SPATA9: variants seen among roughly 807,000 people sequenced by gnomAD.
SPATA9 encodes spermatogenesis-associated protein 9.
Under a neutral mutation model 25.5 loss-of-function variants are expected in SPATA9, and 27 were observed. The observed-to-expected ratio is 1.06, with a 90% confidence interval of 0.78 to 1.46. The LOEUF (loss-of-function observed/expected upper bound fraction) is 1.46. Among genes scored for constraint, SPATA9 ranks in the 40% most tolerant of loss-of-function variants. The pLI, the probability that SPATA9 is intolerant of heterozygous loss-of-function variation, is 0.00. For missense variants in SPATA9, 282 were observed against 297.5 expected (o/e 0.95, Z 0.38); for synonymous variants, 102 against 105.7 (o/e 0.97, Z 0.21).
At chr5:95,682,500 C>T (rs1338930627) in intron 2 of SPATA9, 28 bp downstream of exon 2, 9 of 1,431,778 alleles carry the variant, frequency 6.3e-6, no homozygotes, top group Admixed American at 1.9e-5. Flanking sequence ...TTTTTCTATT[C>T]CTTTTAAAGG....
At chr5:95,715,219 G>C in the SPATA9 span, among the ~76,000 whole-genome samples, 3 of 151,854 alleles carry the variant, frequency 2.0e-5, no homozygotes, top group African/African-American at 7.3e-5. Flanking sequence ...AGCTATTCGG[G>C]AGGCTGAGGC....
At chr5:95,714,518 A>C in the SPATA9 span, among the ~76,000 whole-genome samples, 1 of 152,216 alleles carries the variant, frequency 6.6e-6, no homozygotes, top group Non-Finnish European at 1.5e-5. Flanking sequence ...TGAGAAAGCT[A>C]AGGAGTGTCC....
chr5:95,696,500 G>A (rs962180764), intron 1 of SPATA9, among the ~76,000 whole-genome samples: 32 of 152,190 alleles, frequency 2.1e-4, no homozygotes, highest in Non-Finnish European at 2.6e-4. Flanking sequence ...GCTTCACACA[G>A]ATATGTAATT....
chr5:95,702,574 T>A (rs892804578), upstream of SPATA9, among the ~76,000 whole-genome samples: 2 of 152,152 alleles, frequency 1.3e-5, no homozygotes, highest in Non-Finnish European at 2.9e-5. Context: ...CATTCCTGTA[T>A]CTTTATTTAA....
At chr5:95,708,783 G>C in the SPATA9 span, 4 of 607,726 alleles carry the variant, frequency 6.6e-6, no homozygotes, top group Non-Finnish European at 1.2e-5. Flanking sequence ...CGACTGCAAA[G>C]GTGACTTCCT....
intron 3 of SPATA9, among the ~76,000 whole-genome samples, chr5:95,672,672 C>T (rs1351633457): frequency 6.6e-6 from 1 of 152,174 alleles, no homozygotes; most frequent in African/African-American, 2.4e-5. Flanking sequence ...ACACAAGTCA[C>T]TTAGTCCCTA....
chr5:95,685,578 A>G (rs1477168344), upstream of SPATA9, among the ~76,000 whole-genome samples: 1 of 152,256 alleles, frequency 6.6e-6, no homozygotes, highest in Non-Finnish European at 1.5e-5. Context: ...GACTATGCAC[A>G]TCTAAATGAG....
chr5:95,707,701 G>A, the SPATA9 span, among the ~76,000 whole-genome samples: 21 of 152,234 alleles, frequency 1.4e-4, no homozygotes, highest in African/African-American at 4.8e-4. Context: ...ATTCTTGGAC[G>A]TGCTGGGAGT....
chr5:95,698,435 C>T (rs1161750095), intron 1 of SPATA9, among the ~76,000 whole-genome samples: 3 of 152,176 alleles, frequency 2.0e-5, no homozygotes, highest in Admixed American at 6.5e-5. Flanking sequence ...GACTCCTAGA[C>T]GCTCAGGGAC....
chr5:95,731,598 G>A, the SPATA9 span: 96 of 1,589,030 alleles, frequency 6.0e-5, no homozygotes, highest in South Asian at 1.1e-3. Context: ...AGCGGATTGC[G>A]GGTGAACTCG....
At position 95,675,621 on chromosome 5, in the gene SPATA9, T is replaced by C; in HGVS notation, c.169A>G (p.Lys57Glu). 6.2e-7 allele frequency: 1 copy of C among 1,614,134 alleles called. No individual in the cohort carries two copies. The highest frequency in any genetic ancestry group is 8.5e-7 in the Non-Finnish European group (1 of 1,180,018). The change falls in exon 3 of 5, where the codon AAA becomes GAA. Residue 57 changes from lysine (K) to glutamate (E), a missense_variant. Coordinates refer to ENST00000274432, the MANE Select transcript of SPATA9 (RefSeq NM_031952.4). The stretch of plus-strand genomic sequence containing the variant: ...ATAGCCATCCTGATTTTGGATGTTT[T>C]CTGCGCAGGTTCTCTTTTCTGAAAA... Reference protein sequence around the residue: ...QSNQKREPAQKTSKIRMAIAL... With the variant: ...QSNQKREPAQETSKIRMAIAL...
intron 2 of SPATA9, among the ~76,000 whole-genome samples, chr5:95,680,747 G>A (rs1287776452): frequency 1.3e-5 from 2 of 152,086 alleles, no homozygotes; most frequent in East Asian, 3.9e-4. Flanking sequence ...CTTCAGCCGG[G>A]CTTCTCTTGA....
chr5:95,673,658 T>A (rs1199784651), intron 3 of SPATA9, among the ~76,000 whole-genome samples: 1 of 152,238 alleles, frequency 6.6e-6, no homozygotes, highest in Non-Finnish European at 1.5e-5. Context: ...AACATTAGGT[T>A]TAGAAAGATA....
At chr5:95,707,622 C>A in the SPATA9 span, among the ~76,000 whole-genome samples, 1 of 152,104 alleles carries the variant, frequency 6.6e-6, no homozygotes, top group Admixed American at 6.6e-5. Context: ...GGGCTTTGGG[C>A]GTTATCAATC....
At chr5:95,670,745 C>G (rs1752297448) in intron 3 of SPATA9, 4 of 648,650 alleles carry the variant, frequency 6.2e-6, no homozygotes, top group African/African-American at 2.0e-5. Flanking sequence ...GTACTTTGCT[C>G]TCAGCACACT....
At chr5:95,727,251 T>C in the SPATA9 span, among the ~76,000 whole-genome samples, 1 of 152,108 alleles carries the variant, frequency 6.6e-6, no homozygotes, top group Non-Finnish European at 1.5e-5. Context: ...TCAAGCTGAT[T>C]TGAAGATTCT....
At chr5:95,682,324 A>G (rs886402704) in intron 2 of SPATA9, among the ~76,000 whole-genome samples, 5 of 152,082 alleles carry the variant, frequency 3.3e-5, no homozygotes, top group African/African-American at 7.2e-5. Context: ...TTCTCAATCT[A>G]CCTCACTTCT....
the SPATA9 span, among the ~76,000 whole-genome samples, chr5:95,710,561 G>A: frequency 1.3e-5 from 2 of 152,188 alleles, no homozygotes; most frequent in South Asian, 2.1e-4. Context: ...GCCACTGGGC[G>A]TCTCCAGGGT....
At chr5:95,731,709 A>T in the SPATA9 span, 1 of 1,613,134 alleles carries the variant, frequency 6.2e-7, no homozygotes, top group African/African-American at 1.3e-5. Context: ...CCGTCCTGCC[A>T]TTGTCTCTCT....
Sources: allele counts gnomAD v4.1 joint callset (sites outside exome capture counted in the v4.1 genomes callset), GRCh38; gene constraint gnomAD v4.1.1; transcripts MANE v1.5; gene names NCBI Gene and HGNC (gene_info 2026-07-23, HGNC 2026-07-21).